FBXW7: variants seen among roughly 807,000 people sequenced by gnomAD.
FBXW7 encodes F-box and WD repeat domain containing 7.
In FBXW7, 11 loss-of-function variants were observed where a neutral mutation model predicts 86.3. That is an observed-to-expected ratio of 0.13 (90% confidence interval 0.08 to 0.21). The LOEUF (loss-of-function observed/expected upper bound fraction) is 0.21, where lower values mean the gene tolerates loss of function less well. Among genes scored for constraint, FBXW7 ranks in the 10% least tolerant of loss-of-function variants. The probability of loss-of-function intolerance (pLI) is 1.00; values close to 1 mark genes in which losing one functional copy is unlikely to be tolerated. For synonymous variants in FBXW7, 313 were observed against 297.9 expected (o/e 1.05, Z -0.52); for missense variants, 488 against 847.4 (o/e 0.58, Z 5.27).
chr4:152,387,675 G>T (rs2126798409), intron 4 of FBXW7, among the ~76,000 whole-genome samples: 1 of 138,344 alleles, frequency 7.2e-6, no homozygotes, highest in Non-Finnish European at 1.5e-5. Context: ...AATACAATTA[G>T]ATTGGGCATC....
intron 2 of FBXW7, among the ~76,000 whole-genome samples, chr4:152,476,233 T>G (rs1415206782): frequency 6.6e-6 from 1 of 152,186 alleles, no homozygotes; most frequent in East Asian, 1.9e-4. Context: ...AAGGAAAAGA[T>G]AGTCTCTTCA....
chr4:152,362,102 A>C (rs1465477691), intron 4 of FBXW7, among the ~76,000 whole-genome samples: 1 of 152,134 alleles, frequency 6.6e-6, no homozygotes, highest in Non-Finnish European at 1.5e-5. Flanking sequence ...AGTTGCATGA[A>C]GGCATGGTAT....
chr4:152,533,204 T>A (rs956712369), intron 2 of FBXW7, among the ~76,000 whole-genome samples: 1 of 149,228 alleles, frequency 6.7e-6, no homozygotes, highest in Non-Finnish European at 1.5e-5. Context: ...AAAAAAAAAA[T>A]ACCGTAATTT....
chr4:152,442,380 T>C (rs996515355), intron 2 of FBXW7, among the ~76,000 whole-genome samples: 3 of 152,220 alleles, frequency 2.0e-5, no homozygotes, highest in Admixed American at 1.3e-4. Context: ...TCTTCCAAGA[T>C]GGCTTCCCAA....
chr4:152,391,150 T>C (rs1735962826), intron 4 of FBXW7, among the ~76,000 whole-genome samples: 1 of 152,080 alleles, frequency 6.6e-6, no homozygotes, highest in Admixed American at 6.6e-5. Context: ...TATGCAAGTA[T>C]GTGAGATTTA....
intron 6 of FBXW7, among the ~76,000 whole-genome samples, chr4:152,342,105 T>C (rs1412720065): frequency 2.6e-5 from 4 of 152,068 alleles, no homozygotes; most frequent in East Asian, 3.8e-4. Context: ...TTGGAACACA[T>C]TGAAAGGGAG....
At position 152,337,941 on chromosome 4, in the gene FBXW7, C is replaced by G. The variant is rs750293523; in HGVS notation, c.727-5G>C. 6.3e-7 allele frequency: 1 copy of G among 1,589,956 alleles called. No homozygotes were observed. Among genetic ancestry groups the G allele is most frequent in the South Asian group, 1.2e-5 (1 of 86,478 alleles). ...TTTCTCTGGTCCACTCCAGCTCTAT[C>G]AAAGAGAATTAGAAATTTTTATTGT... is the stretch of plus-strand genomic sequence containing the variant. On this transcript the variant is annotated splice_region_variant and splice_polypyrimidine_tract_variant and intron_variant, in intron 6 of 13. Coordinates refer to ENST00000281708, the MANE Select transcript of FBXW7 (RefSeq NM_001349798.2).
chr4:152,494,090 C>CAA (rs1746094226), intron 2 of FBXW7, among the ~76,000 whole-genome samples: 2 of 151,528 alleles, frequency 1.3e-5, no homozygotes, highest in Non-Finnish European at 2.9e-5. Context: ...AGGAATTAAG[C>CAA]GTGTTTAAAT....
chr4:152,521,272 A>G (rs1748986808), intron 2 of FBXW7, among the ~76,000 whole-genome samples: 1 of 152,200 alleles, frequency 6.6e-6, no homozygotes, highest in Non-Finnish European at 1.5e-5. Flanking sequence ...AATTCTAGTT[A>G]TATTAATCAG....
chr4:152,354,474 T>G (rs1578971299), intron 4 of FBXW7, among the ~76,000 whole-genome samples: 1 of 152,236 alleles, frequency 6.6e-6, no homozygotes, highest in East Asian at 1.9e-4. Flanking sequence ...ACCTGAAATT[T>G]CATCCAGAAT....
rs544340935 is a variant in FBXW7, at chr4:152,411,355, A to G, written c.449T>C (p.Val150Ala). 5.0e-6 allele frequency: 8 copies of G among 1,613,426 alleles called. No individual in the cohort carries two copies. The South Asian group carries it at 5.5e-5, about 11-fold the overall frequency. Reference sequence around the variant, plus strand: ...GGAGAGTTGGTGAACGGGCAGGTCCACAATACTACTGGAGTTCGTGACACT... The same window carrying G: ...GGAGAGTTGGTGAACGGGCAGGTCCGCAATACTACTGGAGTTCGTGACACT... ...TNSVTNSSSIVDLPVHQLSSP... is the reference protein window; with the variant it reads ...TNSVTNSSSIADLPVHQLSSP... Residue 150 changes from valine (V) to alanine (A), a missense_variant, in exon 4 of 14, where the codon GTG becomes GCG. Val to Ala is a moderately conservative substitution (Grantham distance 64, BLOSUM62 0). Transcript: ENST00000281708.
chr4:152,432,618 C>A (rs1333457409), intron 2 of FBXW7, among the ~76,000 whole-genome samples: 1 of 151,940 alleles, frequency 6.6e-6, no homozygotes, highest in Admixed American at 6.6e-5. Flanking sequence ...ACCAGCCTGA[C>A]CAACATAGTG....
chr4:152,326,334 C>CTT (rs367926135), intron 11 of FBXW7, 103 bp from the exon 12 acceptor site: 178 of 548,972 alleles, frequency 3.2e-4, no homozygotes, highest in Middle Eastern at 1.3e-3. Flanking sequence ...GGTTTTTTAG[C>CTT]TTTTTTTTTT....
chr4:152,347,109 AG>A lies in FBXW7; in HGVS notation c.585-39del, dbSNP rs968741256. The A allele has an allele frequency of 1.9e-6, 3 of 1,571,074 alleles. No homozygotes were observed. The African/African-American group carries it at 4.1e-5, about 22-fold the overall frequency. On this transcript the variant is annotated intron_variant, in intron 5 of 13. Transcript: ENST00000281708. ...AAAAAAGAGAGAGAGAAAGGATAAA[AG>A]GAAAAAAACAAAAGTGAAAGCAAAG...
At chr4:152,434,735 T>C (rs1253000103) in intron 2 of FBXW7, among the ~76,000 whole-genome samples, 1 of 152,186 alleles carries the variant, frequency 6.6e-6, no homozygotes, top group African/African-American at 2.4e-5. Flanking sequence ...AAAATATCAT[T>C]TGCAAAGATA....
chr4:152,375,635 A>G (rs1176242230), intron 4 of FBXW7, among the ~76,000 whole-genome samples: 1 of 152,160 alleles, frequency 6.6e-6, no homozygotes, highest in Admixed American at 6.6e-5. Flanking sequence ...ATGAAAATTC[A>G]GTTCACAGAA....
intron 2 of FBXW7, among the ~76,000 whole-genome samples, chr4:152,519,095 G>A (rs960844165): frequency 6.6e-6 from 1 of 152,068 alleles, no homozygotes. Flanking sequence ...TCAGGAGATC[G>A]AGACCATCCT....
intron 2 of FBXW7, among the ~76,000 whole-genome samples, chr4:152,435,226 G>C (rs1197053018): frequency 1.3e-5 from 2 of 152,126 alleles, no homozygotes; most frequent in East Asian, 3.8e-4. Flanking sequence ...TGACATATCA[G>C]ACTGTCTATT....
chr4:152,382,233 T>C (rs747403720), intron 4 of FBXW7: 1 of 1,595,646 alleles, frequency 6.3e-7, no homozygotes, highest in Non-Finnish European at 8.5e-7. Context: ...ATGCTAATGC[T>C]AAATATCTTC....
Sources: gnomAD v4.1 joint callset for allele counts (sites outside exome capture counted in the v4.1 genomes callset) on GRCh38, gnomAD v4.1.1 for gene constraint, MANE v1.5 for transcripts, NCBI Gene and HGNC (gene_info 2026-07-23, HGNC 2026-07-21) for gene names.